SMYD3: variants seen among roughly 807,000 people sequenced by gnomAD.
SMYD3 encodes histone-lysine N-methyltransferase SMYD3.
In SMYD3, 36 loss-of-function variants were observed where a neutral mutation model predicts 57.7. The observed-to-expected ratio is 0.62, with a 90% CI of 0.48 to 0.82. The LOEUF (loss-of-function observed/expected upper bound fraction) is 0.82. Ranked by LOEUF, SMYD3 falls within the 40% of genes least tolerant of loss-of-function variation. The pLI is 0.00. For missense variants in SMYD3, 515 were observed against 538.8 expected, an observed-to-expected ratio of 0.96 and a Z score of 0.44; for synonymous variants, 211 against 195.0, an observed-to-expected ratio of 1.08 and a Z score of -0.68.
intron 5 of SMYD3, among the ~76,000 whole-genome samples, chr1:246,324,416 CAAA>C (rs897518368): frequency 2.3e-5 from 1 of 42,618 alleles, no homozygotes; most frequent in Non-Finnish European, 5.5e-5. Flanking sequence ...AACTCCATCT[CAAA>C]AAAAAAAAAA....
At chr1:245,920,714 C>A (rs1056485191) in intron 7 of SMYD3, among the ~76,000 whole-genome samples, 5 of 152,170 alleles carry the variant, frequency 3.3e-5, no homozygotes, top group Non-Finnish European at 7.4e-5. Context: ...AAAGGACATC[C>A]TGTTCAATAA....
intron 5 of SMYD3, among the ~76,000 whole-genome samples, chr1:245,940,512 G>A (rs1158729425): frequency 6.6e-6 from 1 of 152,010 alleles, no homozygotes; most frequent in Non-Finnish European, 1.5e-5. Flanking sequence ...ATACGGTCTG[G>A]AATGGACTCA....
intron 5 of SMYD3, chr1:245,953,170 A>C (rs1330090774): frequency 4.4e-6 from 4 of 912,336 alleles, no homozygotes; most frequent in Non-Finnish European, 5.3e-6. Context: ...AGCTAGTTAG[A>C]TCTCTTTGGT....
intron 5 of SMYD3, among the ~76,000 whole-genome samples, chr1:246,269,809 G>A (rs1189788897): frequency 2.0e-5 from 3 of 152,120 alleles, no homozygotes; most frequent in Admixed American, 6.5e-5. Context: ...TTGGACTCAA[G>A]TGATATTCCT....
intron 1 of SMYD3, among the ~76,000 whole-genome samples, chr1:246,448,798 G>C (rs1012090374): frequency 6.6e-6 from 1 of 150,424 alleles, no homozygotes. Context: ...TCCAATGTAG[G>C]ACCAACCAGA....
chr1:245,834,636 C>T (rs1330030231), intron 10 of SMYD3, among the ~76,000 whole-genome samples: 1 of 152,170 alleles, frequency 6.6e-6, no homozygotes, highest in Non-Finnish European at 1.5e-5. Context: ...TCCTAGCCAA[C>T]CTCATTTCAC....
In SMYD3 at chr1:245,997,015, G is replaced by GT. The variant is rs2058943871; in HGVS notation, c.532-67079dup. ...GCTGGTGCGGAACACCATGACGTCTGTGTCTAGGGTATGCGCATATGCTGC... is the reference window on the plus strand; with the variant it reads ...GCTGGTGCGGAACACCATGACGTCTGTTGTCTAGGGTATGCGCATATGCTGC... On this transcript the variant is annotated intron_variant, in intron 5 of 11. Coordinates refer to ENST00000490107, the MANE Select transcript of SMYD3 (RefSeq NM_001167740.2). Among the ~76,000 whole-genome samples the GT allele has an allele frequency of 2.0e-5, 3 of 152,368 alleles. No homozygotes were observed. The South Asian group carries it at 6.2e-4, about 32-fold the overall frequency.
intron 5 of SMYD3, among the ~76,000 whole-genome samples, chr1:246,043,232 C>T (rs912657707): frequency 2.6e-5 from 4 of 152,186 alleles, no homozygotes; most frequent in African/African-American, 9.7e-5. Context: ...ATGATATTCA[C>T]ACAAAATCAC....
intron 5 of SMYD3, among the ~76,000 whole-genome samples, chr1:246,281,261 G>A (rs952169707): frequency 3.3e-5 from 5 of 152,184 alleles, no homozygotes; most frequent in Non-Finnish European, 5.9e-5. Context: ...CTTGAGATTC[G>A]TTACTGAAAT....
At chr1:246,445,869 A>C (rs952227016) in intron 1 of SMYD3, among the ~76,000 whole-genome samples, 1 of 152,078 alleles carries the variant, frequency 6.6e-6, no homozygotes, top group African/African-American at 2.4e-5. Context: ...AAAAAAACAA[A>C]AAAAAAACCT....
chr1:246,392,098 C>T (rs1376215912), intron 1 of SMYD3, among the ~76,000 whole-genome samples: 1 of 152,216 alleles, frequency 6.6e-6, no homozygotes, highest in Non-Finnish European at 1.5e-5. Context: ...TCCCTCCAGA[C>T]TTTCATCCTT....
chr1:246,205,815 C>G (rs2148377390), intron 5 of SMYD3, among the ~76,000 whole-genome samples: 1 of 152,128 alleles, frequency 6.6e-6, no homozygotes, highest in Non-Finnish European at 1.5e-5. Flanking sequence ...AGAGATGCCA[C>G]CTCAAAAAAC....
chr1:246,479,246 C>T (rs938817128), intron 1 of SMYD3, among the ~76,000 whole-genome samples: 2 of 152,250 alleles, frequency 1.3e-5, no homozygotes, highest in African/African-American at 2.4e-5. Context: ...ATGGTTCATA[C>T]TCCAGGAATG....
chr1:246,163,313 T>C (rs1460351633), intron 5 of SMYD3, among the ~76,000 whole-genome samples: 2 of 152,260 alleles, frequency 1.3e-5, no homozygotes, highest in African/African-American at 4.8e-5. Flanking sequence ...GGTAAGGCTG[T>C]AGCTCACTGA....
intron 1 of SMYD3, among the ~76,000 whole-genome samples, chr1:246,448,214 C>G (rs1644479106): frequency 6.6e-6 from 1 of 151,970 alleles, no homozygotes; most frequent in Non-Finnish European, 1.5e-5. Flanking sequence ...GAGACTCCGT[C>G]TCAAAAAAAA....
intron 8 of SMYD3, among the ~76,000 whole-genome samples, chr1:245,885,476 T>A (rs1378034809): frequency 6.6e-6 from 1 of 152,186 alleles, no homozygotes; most frequent in Non-Finnish European, 1.5e-5. Context: ...AGAAAAGATG[T>A]GATTTGGGGA....
chr1:245,930,131 T>C (rs2056625800), intron 5 of SMYD3, 194 bp from the exon 6 acceptor site: 1 of 618,376 alleles, frequency 1.6e-6, no homozygotes, highest in African/African-American at 1.9e-5. Flanking sequence ...AAACATCAGG[T>C]GGTTAAGTGC....
chr1:246,280,253 GA>G (rs1356604294), intron 5 of SMYD3, among the ~76,000 whole-genome samples: 1 of 152,008 alleles, frequency 6.6e-6, no homozygotes, highest in African/African-American at 2.4e-5. Context: ...AACCAGCTAG[GA>G]AAAAAATAGG....
intron 8 of SMYD3, among the ~76,000 whole-genome samples, chr1:245,869,736 ATC>A (rs2052074518): frequency 6.6e-6 from 1 of 151,786 alleles, no homozygotes. Flanking sequence ...ACCCACGCCC[ATC>A]TCTGACTTCA....
Sources: allele counts gnomAD v4.1 joint callset (sites outside exome capture counted in the v4.1 genomes callset), GRCh38; gene constraint gnomAD v4.1.1; transcripts MANE v1.5; gene names NCBI Gene and HGNC (gene_info 2026-07-23, HGNC 2026-07-21).